Variants in MTHFS observed in about 807,000 individuals in gnomAD.
MTHFS encodes methenyltetrahydrofolate synthetase, also known as 5-formyltetrahydrofolate cyclo-ligase.
Under a neutral mutation model 12.7 loss-of-function variants are expected in MTHFS, and 7 were observed. That is an observed-to-expected ratio of 0.55 (90% confidence interval 0.31 to 1.03). The LOEUF (loss-of-function observed/expected upper bound fraction) is 1.03, where lower values mean the gene tolerates loss of function less well. Among genes scored for constraint, MTHFS ranks in the 50% least tolerant of loss-of-function variants. The pLI, the probability that MTHFS is intolerant of heterozygous loss-of-function variation, is 0.05. For missense variants in MTHFS, 252 were observed against 258.1 expected (o/e 0.98, Z 0.16); for synonymous variants, 100 against 97.1 (o/e 1.03, Z -0.18).
intron 2 of MTHFS, among the ~76,000 whole-genome samples, chr15:79,849,265 T>C (rs2033671030): frequency 6.6e-6 from 1 of 152,210 alleles, no homozygotes; most frequent in Non-Finnish European, 1.5e-5. Context: ...TTCTCCCACT[T>C]CTGCTACTTG....
At chr15:79,847,708 G>C (rs1293429412) in intron 2 of MTHFS, among the ~76,000 whole-genome samples, 1 of 146,312 alleles carries the variant, frequency 6.8e-6, no homozygotes, top group African/African-American at 2.5e-5. Context: ...ACAGACATTT[G>C]TCCAAAGAAG....
chr15:79,864,547 C>CAAAAAAAAAAAAAAAAAAAAAAAAAAAAA (rs58698908), intron 2 of MTHFS, among the ~76,000 whole-genome samples: 1 of 64,514 alleles, frequency 1.6e-5, no homozygotes, highest in African/African-American at 7.5e-5. Context: ...TCCATCTCAA[C>CAAAAAAAAAAAAAAAAAAAAAAAAAAAAA]AAAAAAAAAA....
At chr15:79,853,428 CT>C (rs1370787680) in intron 2 of MTHFS, among the ~76,000 whole-genome samples, 1 of 150,850 alleles carries the variant, frequency 6.6e-6, no homozygotes, top group African/African-American at 2.5e-5. Context: ...AGTAAAGTTA[CT>C]GAAATTCTCT....
Position 79,856,530 on chromosome 15 carries a change from A to G in MTHFS, c.380-11088T>C, listed in dbSNP as rs1317461634. ...ACACACACAAAAAAACAAACATTAT[A>G]TGATCCTAATTAAATGAAGTCTTGA... On this transcript the variant is annotated intron_variant, in intron 2 of 2. Transcript: ENST00000258874. Among the ~76,000 whole-genome samples the G allele has an allele frequency of 2.0e-5, 3 of 152,178 alleles. No homozygotes were observed. In the East Asian group the frequency reaches 5.8e-4, roughly 29 times the overall value.
rs753238244 is a variant in MTHFS, at chr15:79,845,258, G to A, written c.564C>T (p.Asn188=). Residue 188 remains asparagine (N), a synonymous_variant, in exon 3 of 3, where the codon AAC becomes AAT. Transcript: ENST00000258874. ...AAAGGACTTCATCTACCTTCATGTC[G>A]TTTTCATTCACTGGGACCTGGAGGC... is the stretch of plus-strand genomic sequence containing the variant. ...QICLQVPVNE[N]DMKVDEVLYE... 5 of 1,614,058 alleles carry A rather than the reference G, an allele frequency of 3.1e-6. No homozygotes were observed. The highest frequency in any genetic ancestry group is 1.7e-5 in the Admixed American group (1 of 60,006).
chr15:79,868,421 G>A (rs896241311), intron 2 of MTHFS, among the ~76,000 whole-genome samples: 4 of 152,136 alleles, frequency 2.6e-5, no homozygotes, highest in South Asian at 2.1e-4. Flanking sequence ...AATATAGCAC[G>A]TACTATGAAG....
chr15:79,892,702 C>T (rs1394260285), intron 1 of MTHFS, among the ~76,000 whole-genome samples: 2 of 152,142 alleles, frequency 1.3e-5, no homozygotes, highest in African/African-American at 2.4e-5. Flanking sequence ...CCTGTAATCC[C>T]GGCACTTTGG....
intron 2 of MTHFS, chr15:79,878,124 T>C (rs1271656706): frequency 6.6e-6 from 1 of 152,124 alleles, no homozygotes; most frequent in Non-Finnish European, 1.5e-5. Flanking sequence ...TTTTTTCTCT[T>C]TTCTTCTATT....
intron 2 of MTHFS, among the ~76,000 whole-genome samples, chr15:79,875,402 C>T (rs1054509941): frequency 2.0e-5 from 3 of 152,070 alleles, no homozygotes; most frequent in African/African-American, 7.3e-5. Flanking sequence ...AAAAACACTG[C>T]CAGCCAAGAA....
intron 2 of MTHFS, among the ~76,000 whole-genome samples, chr15:79,859,860 T>C (rs1362087340): frequency 2.8e-5 from 4 of 142,950 alleles, no homozygotes; most frequent in Non-Finnish European, 4.6e-5. Context: ...TCTCCCTGTA[T>C]ACATAGGGAT....
intron 2 of MTHFS, among the ~76,000 whole-genome samples, chr15:79,875,150 A>G (rs1205568342): frequency 6.6e-6 from 1 of 152,138 alleles, no homozygotes; most frequent in African/African-American, 2.4e-5. Context: ...GGTGTAAGAA[A>G]TTATAAAAGT....
intron 2 of MTHFS, among the ~76,000 whole-genome samples, chr15:79,848,357 G>A (rs1384728627): frequency 1.3e-5 from 2 of 152,342 alleles, no homozygotes; most frequent in Non-Finnish European, 2.9e-5. Context: ...GGGGGAGACA[G>A]AGAGTTGCCA....
intron 2 of MTHFS, among the ~76,000 whole-genome samples, chr15:79,857,198 A>G (rs956183951): frequency 6.6e-6 from 1 of 151,980 alleles, no homozygotes; most frequent in Non-Finnish European, 1.5e-5. Flanking sequence ...GGGTTTCATC[A>G]TGTTGGCCAG....
At chr15:79,893,273 G>A (rs959329448) in intron 1 of MTHFS, among the ~76,000 whole-genome samples, 36 of 151,938 alleles carry the variant, frequency 2.4e-4, no homozygotes, top group Non-Finnish European at 4.7e-4. Context: ...CGTGGCGGCA[G>A]GCGCCTGTAA....
At chr15:79,850,869 A>G (rs1363649110) in intron 2 of MTHFS, among the ~76,000 whole-genome samples, 1 of 152,176 alleles carries the variant, frequency 6.6e-6, no homozygotes, top group Non-Finnish European at 1.5e-5. Flanking sequence ...CAGAAGTATT[A>G]GGCTCTGAGG....
In MTHFS at chr15:79,891,963, CAAAAAAAAA is replaced by C. The variant is rs57309663; in HGVS notation, c.118-2618_118-2610del. The stretch of plus-strand genomic sequence containing the variant: ...GGGCAACAAGAATGAAACTCCATCT[CAAAAAAAAA>C]AAAAAAAAAAAAAGAGAAAGAAAAA... On this transcript the variant is annotated intron_variant, in intron 1 of 2. Transcript: ENST00000258874. 5.2e-4 allele frequency among the ~76,000 whole-genome samples: 44 copies of C among 84,264 alleles called. 1 individual carries two copies. Among genetic ancestry groups the C allele is most frequent in the African/African-American group, 1.9e-3 (38 of 20,040 alleles). The allele number at this position is 84,264 out of a possible 152,430, so 55.3% of individuals were successfully genotyped here. A position where few individuals can be genotyped will look rare whatever the true frequency, so the allele number is the denominator to read the frequency against.
intron 2 of MTHFS, among the ~76,000 whole-genome samples, chr15:79,850,531 T>C (rs371993131): frequency 7.2e-5 from 11 of 152,264 alleles, no homozygotes; most frequent in African/African-American, 2.6e-4. Flanking sequence ...TGATAACATG[T>C]TATTTACAAA....
intron 2 of MTHFS, among the ~76,000 whole-genome samples, chr15:79,873,844 G>C (rs969875259): frequency 2.0e-5 from 3 of 152,210 alleles, no homozygotes; most frequent in African/African-American, 7.2e-5. Context: ...ACTTGCCAAG[G>C]TTGTAATCCC....
intron 2 of MTHFS, among the ~76,000 whole-genome samples, chr15:79,879,054 A>G (rs1037908637): frequency 2.0e-5 from 3 of 152,288 alleles, no homozygotes; most frequent in African/African-American, 4.8e-5. Context: ...AATTTAATAC[A>G]TAGCTTAAAA....
Sources: gnomAD v4.1 joint callset for allele counts (sites outside exome capture counted in the v4.1 genomes callset) on GRCh38, gnomAD v4.1.1 for gene constraint, MANE v1.5 for transcripts, NCBI Gene and HGNC (gene_info 2026-07-23, HGNC 2026-07-21) for gene names.